The following RUNX1 variants were observed in gnomAD, a reference collection of about 807,000 sequenced individuals.
RUNX1 encodes RUNX family transcription factor 1, also known as runt-related transcription factor 1.
In RUNX1, 19 loss-of-function variants were observed where a neutral mutation model predicts 42.8. The observed-to-expected ratio is 0.44, with a 90% CI of 0.31 to 0.65. The LOEUF is 0.65. RUNX1 is among the 30% of genes least tolerant of loss of function. The probability of loss-of-function intolerance (pLI) is 0.07; values close to 1 mark genes in which losing one functional copy is unlikely to be tolerated. For missense variants in RUNX1, 528 were observed against 672.0 expected (o/e 0.79, Z 2.37); for synonymous variants, 271 against 289.4 (o/e 0.94, Z 0.64).
Position 34,789,357 on chromosome 21 carries a change from T to G in RUNX1, c.*2778A>C, listed in dbSNP as rs887593924. 4 of 233,552 alleles carry G rather than the reference T, an allele frequency of 1.7e-5. No individual in the cohort carries two copies. Among genetic ancestry groups the G allele is most frequent in the Admixed American group, 5.6e-5 (1 of 17,766 alleles). 14.5% of individuals were successfully genotyped at this position (233,552 alleles called of 1,614,324 possible). On this transcript the variant is annotated 3_prime_UTR_variant, in exon 9 of 9. Transcript: ENST00000675419. ...TGGGGGGAAGAGAGGGAGGGAAATG[T>G]ATTTTCAGATAGTGAGAAAAAGAAA... is the stretch of plus-strand genomic sequence containing the variant.
At chr21:34,967,117 G>A (rs930603884) in intron 2 of RUNX1, among the ~76,000 whole-genome samples, 2 of 151,316 alleles carry the variant, frequency 1.3e-5, no homozygotes, top group Non-Finnish European at 2.9e-5. Context: ...TCAGGAGATC[G>A]AGACCAGCCT....
chr21:34,862,577 C>T (rs542610780), intron 5 of RUNX1, among the ~76,000 whole-genome samples: 86 of 152,266 alleles, frequency 5.6e-4, no homozygotes, highest in African/African-American at 1.9e-3. Context: ...GGATGGTGGC[C>T]AGCATTTCTT....
intron 5 of RUNX1, among the ~76,000 whole-genome samples, chr21:34,878,338 G>A (rs1173332063): frequency 6.6e-5 from 9 of 135,714 alleles, no homozygotes; most frequent in Middle Eastern, 3.8e-3. Context: ...CTTTTGTAGC[G>A]CTGACTAAAA....
intron 7 of RUNX1, among the ~76,000 whole-genome samples, chr21:34,824,024 T>A (rs181183694): frequency 1.1e-3 from 167 of 152,346 alleles, no homozygotes; most frequent in Middle Eastern, 3.4e-3. Flanking sequence ...TTGTATGGAA[T>A]AATGATGGTG....
chr21:35,002,422 ATTTATTATTTAT>A (rs2059052870), intron 2 of RUNX1, among the ~76,000 whole-genome samples: 1 of 142,414 alleles, frequency 7.0e-6, no homozygotes, highest in African/African-American at 2.6e-5. Flanking sequence ...TTATTTATTT[ATTTATTATTTAT>A]TTATTTATTT....
intron 5 of RUNX1, among the ~76,000 whole-genome samples, chr21:34,879,063 C>T (rs2057857806): frequency 6.6e-6 from 1 of 152,188 alleles, no homozygotes; most frequent in Non-Finnish European, 1.5e-5. Flanking sequence ...GGCCGATGGG[C>T]ATGGACCAGG....
chr21:35,007,985 T>G (rs2059097710), intron 2 of RUNX1, among the ~76,000 whole-genome samples: 1 of 151,970 alleles, frequency 6.6e-6, no homozygotes, highest in East Asian at 1.9e-4. Flanking sequence ...TTCCATTGCC[T>G]CCTCCCATCT....
chr21:34,835,194 C>T (rs1247499422), intron 6 of RUNX1, among the ~76,000 whole-genome samples: 1 of 152,082 alleles, frequency 6.6e-6, no homozygotes, highest in African/African-American at 2.4e-5. Context: ...CCCTCAGCCC[C>T]TCTCCCTCTC....
intron 5 of RUNX1, among the ~76,000 whole-genome samples, chr21:34,870,744 G>A (rs2057724763): frequency 6.6e-6 from 1 of 152,170 alleles, no homozygotes; most frequent in Non-Finnish European, 1.5e-5. Context: ...CAGATCACGA[G>A]GTCAAGAGAT....
intron 2 of RUNX1, among the ~76,000 whole-genome samples, chr21:35,021,650 T>C (rs1311695960): frequency 6.6e-6 from 1 of 152,202 alleles, no homozygotes; most frequent in African/African-American, 2.4e-5. Flanking sequence ...AAAGAGCCCA[T>C]CTGGGGTTTC....
chr21:34,856,859 C>T lies in RUNX1; in HGVS notation c.613+2615G>A, dbSNP rs543364549. ...CAGAGATCTGGCAACATCTGGGCAT[C>T]CTGATTTACATGCAGTGTCCTCTCT... On this transcript the variant is annotated intron_variant, in intron 6 of 8. Coordinates refer to ENST00000675419, the MANE Select transcript of RUNX1 (RefSeq NM_001754.5). 2.6e-5 allele frequency among the ~76,000 whole-genome samples: 4 copies of T among 152,298 alleles called. No individual in the cohort carries two copies. The East Asian group carries it at 5.8e-4, about 22-fold the overall frequency.
chr21:34,845,296 G>A (rs2057299759), intron 6 of RUNX1, among the ~76,000 whole-genome samples: 1 of 152,230 alleles, frequency 6.6e-6, no homozygotes, highest in South Asian at 2.1e-4. Context: ...GGAAATGAAG[G>A]AAGGGAAGGT....
intron 6 of RUNX1, among the ~76,000 whole-genome samples, chr21:34,844,901 C>G (rs1569047316): frequency 6.6e-6 from 1 of 152,212 alleles, no homozygotes; most frequent in Non-Finnish European, 1.5e-5. Flanking sequence ...GGTACCCTGG[C>G]CACTCACAGC....
chr21:34,797,028 G>A (rs369919371), intron 8 of RUNX1, among the ~76,000 whole-genome samples: 6 of 152,270 alleles, frequency 3.9e-5, no homozygotes, highest in East Asian at 3.9e-4. Context: ...CAAAGCTGTC[G>A]GCCAGGCAGC....
At chr21:35,015,512 C>A (rs938707663) in intron 2 of RUNX1, among the ~76,000 whole-genome samples, 1 of 152,090 alleles carries the variant, frequency 6.6e-6, no homozygotes, top group Non-Finnish European at 1.5e-5. Flanking sequence ...TCCTACTCGC[C>A]AATAATGAGA....
intron 2 of RUNX1, among the ~76,000 whole-genome samples, chr21:35,006,540 G>A (rs987309831): frequency 2.0e-5 from 3 of 152,176 alleles, no homozygotes; most frequent in African/African-American, 7.2e-5. Context: ...CCATTCTGCT[G>A]GTTGACTTTG....
intron 6 of RUNX1, among the ~76,000 whole-genome samples, chr21:34,842,488 T>A (rs1204726727): frequency 4.2e-5 from 2 of 47,280 alleles, no homozygotes; most frequent in Non-Finnish European, 7.0e-5. Flanking sequence ...GAGGGAGACC[T>A]CTCCAAAAAA....
At chr21:34,852,414 T>C (rs956586108) in intron 6 of RUNX1, among the ~76,000 whole-genome samples, 9 of 152,176 alleles carry the variant, frequency 5.9e-5, no homozygotes, top group African/African-American at 9.7e-5. Context: ...AGGAAGTCTG[T>C]ATGCATGTAA....
At chr21:35,048,771 G>C in intron 2 of RUNX1, 71 bp downstream of exon 2, 4 of 1,342,590 alleles carry the variant, frequency 3.0e-6, no homozygotes, top group Non-Finnish European at 4.3e-6. Context: ...GCACCGAGGT[G>C]AAACAAGCTG....
Sources: gnomAD v4.1 joint callset for allele counts (sites outside exome capture counted in the v4.1 genomes callset) on GRCh38, gnomAD v4.1.1 for gene constraint, MANE v1.5 for transcripts, NCBI Gene and HGNC (gene_info 2026-07-23, HGNC 2026-07-21) for gene names.